Variants in PDE2A observed in about 807,000 individuals in gnomAD.
The protein encoded by PDE2A is phosphodiesterase 2A.
PDE2A carries 53 observed loss-of-function variants against 133.6 expected under a neutral mutation model. The ratio of observed to expected loss-of-function variants is 0.40; its 90% CI spans 0.32 to 0.50. PDE2A has a LOEUF of 0.50. Among genes scored for constraint, PDE2A ranks in the 20% least tolerant of loss-of-function variants. PDE2A has a pLI of 0.73. For synonymous variants in PDE2A, 491 were observed against 490.2 expected, an observed-to-expected ratio of 1.00 and a Z score of -0.02; for missense variants, 796 against 1,232.4, an observed-to-expected ratio of 0.65 and a Z score of 5.30.
chr11:72,599,093 G>A (rs1171674258), intron 4 of PDE2A: 34 of 945,042 alleles, frequency 3.6e-5, no homozygotes, highest in Admixed American at 1.8e-4. Context: ...CTGGTTAACC[G>A]GAGGCCACAA....
Position 72,646,437 on chromosome 11 carries a change from T to A in PDE2A, c.72-4111A>T, listed in dbSNP as rs553912606. 1.7e-4 allele frequency among the ~76,000 whole-genome samples: 26 copies of A among 152,236 alleles called. 1 individual carries two copies. The highest frequency in any genetic ancestry group is 6.0e-4 in the African/African-American group (25 of 41,458). The stretch of plus-strand genomic sequence containing the variant: ...AAAGTGAGGCTCAGAGAAATGTAGA[T>A]GCTTACCTGAGATGGCACAGCTGGT... On this transcript the variant is annotated intron_variant, in intron 1 of 30. Coordinates refer to ENST00000334456, the MANE Select transcript of PDE2A (RefSeq NM_002599.5).
In PDE2A at chr11:72,596,588, C is replaced by A; in HGVS notation, c.489+5G>T. 1 of 1,486,636 alleles carries A rather than the reference C, an allele frequency of 6.7e-7. No individual in the cohort carries two copies. Among genetic ancestry groups the A allele is most frequent in the Non-Finnish European group, 9.0e-7 (1 of 1,109,296 alleles). 92.1% of individuals were successfully genotyped at this position (1,486,636 alleles called of 1,614,324 possible). A position where few individuals can be genotyped will look rare whatever the true frequency, so the allele number is the denominator to read the frequency against. On this transcript the variant is annotated splice_donor_5th_base_variant and intron_variant, in intron 6 of 30. Coordinates refer to ENST00000334456, the MANE Select transcript of PDE2A (RefSeq NM_002599.5). ...CTACATCCCACCGCCTAGGCAGGCT[C>A]TTACCAAGATGACAGCTGCCACGGC...
At chr11:72,632,717 C>A (rs1239593073) in intron 2 of PDE2A, among the ~76,000 whole-genome samples, 2 of 152,128 alleles carry the variant, frequency 1.3e-5, no homozygotes, top group Non-Finnish European at 2.9e-5. Context: ...CCAGGGACAG[C>A]CCCCTCCCCT....
chr11:72,628,386 A>C (rs1469568118), intron 2 of PDE2A, among the ~76,000 whole-genome samples: 1 of 149,256 alleles, frequency 6.7e-6, no homozygotes, highest in East Asian at 2.0e-4. Flanking sequence ...GCTGAAGTGC[A>C]GTGGCGCGAT....
chr11:72,580,652 AC>A, intron 24 of PDE2A, 28 bp from the exon 25 acceptor site: 1 of 1,542,024 alleles, frequency 6.5e-7, no homozygotes, highest in Non-Finnish European at 8.8e-7. Context: ...AACTGTGGTC[AC>A]TCCTCACATC....
rs758250416 is a variant in PDE2A at position 72,590,388 on chromosome 11, C to A, written c.703+39G>T. 6.3e-7 allele frequency: 1 copy of A among 1,577,328 alleles called. No homozygotes were observed. Among genetic ancestry groups the A allele is most frequent in the East Asian group, 2.3e-5 (1 of 43,398 alleles). ...GCCCACCTCCCCTCCAAGTTCTGCC[C>A]GGCCCCGCCCTCGTGACCTGTCCAG... is the stretch of plus-strand genomic sequence containing the variant. On this transcript the variant is annotated intron_variant, in intron 8 of 30. Coordinates refer to ENST00000334456, the MANE Select transcript of PDE2A (RefSeq NM_002599.5). The surrounding 1 kb of genome is among the most constrained non-coding windows in gnomAD (Gnocchi z 4.8).
At chr11:72,600,410 C>A (rs960231370) in intron 4 of PDE2A, among the ~76,000 whole-genome samples, 1 of 152,128 alleles carries the variant, frequency 6.6e-6, no homozygotes, top group African/African-American at 2.4e-5. Flanking sequence ...TCTTAGGCAG[C>A]CTCGGCACCT....
At chr11:72,658,226 G>T (rs770826630) in intron 1 of PDE2A, 18 of 425,106 alleles carry the variant, frequency 4.2e-5, no homozygotes, top group Non-Finnish European at 6.6e-5. Context: ...TGAGGGTTCT[G>T]GTCTCCCCCA....
chr11:72,581,279 G>A, intron 23 of PDE2A, 78 bp downstream of exon 23: 1 of 1,453,950 alleles, frequency 6.9e-7, no homozygotes. Flanking sequence ...TAAAGTGCCT[G>A]ACACACAGGG....
intron 4 of PDE2A, chr11:72,598,719 T>C: frequency 7.8e-7 from 1 of 1,274,986 alleles, no homozygotes; most frequent in South Asian, 1.3e-5. Context: ...ACGAGATCAC[T>C]AGGTCAGAGA....
intron 4 of PDE2A, among the ~76,000 whole-genome samples, chr11:72,603,334 G>C (rs189086269): frequency 1.3e-5 from 2 of 152,258 alleles, no homozygotes; most frequent in East Asian, 3.9e-4. Context: ...AGTCTGAAGT[G>C]GTTGGAAGGA....
chr11:72,652,716 T>A (rs1271450533), intron 1 of PDE2A: 1 of 456,300 alleles, frequency 2.2e-6, no homozygotes, highest in Non-Finnish European at 4.4e-6. Flanking sequence ...AGGTCATTCG[T>A]CCAAAGTCAT....
At chr11:72,581,606 CT>C in intron 22 of PDE2A, 127 bp from the exon 23 acceptor site, 2 of 1,113,534 alleles carry the variant, frequency 1.8e-6, no homozygotes, top group African/African-American at 1.6e-5. Context: ...ATGACTCTGT[CT>C]TAGCAGGAAG....
intron 2 of PDE2A, chr11:72,631,086 G>A (rs1467416320): frequency 2.0e-5 from 31 of 1,548,124 alleles, no homozygotes; most frequent in Admixed American, 3.9e-5. Context: ...ACCTCCAGTC[G>A]GTCGTCTCTA....
intron 1 of PDE2A, among the ~76,000 whole-genome samples, chr11:72,649,633 C>CT (rs1455631817): frequency 1.3e-5 from 2 of 152,258 alleles, no homozygotes; most frequent in Admixed American, 6.5e-5. Context: ...ACTGCTTCCT[C>CT]TGCCCCATCT....
chr11:72,598,568 A>T (rs762630020), intron 4 of PDE2A: 4 of 1,289,082 alleles, frequency 3.1e-6, no homozygotes, highest in Non-Finnish European at 4.0e-6. Context: ...TTCATCCCTC[A>T]TGCTGCCTCC....
rs746831622 is a variant in PDE2A at position 72,586,042 on chromosome 11, C to T, written c.1182+28G>A. On this transcript the variant is annotated intron_variant, in intron 14 of 30. Coordinates refer to ENST00000334456, the MANE Select transcript of PDE2A (RefSeq NM_002599.5). ...GCTGAAAACTGAGCGAGTCGGTGCC[C>T]GAGAGAGGCTGAAGGCAGGTCACTC... 1.1e-5 allele frequency: 15 copies of T among 1,344,262 alleles called. No individual in the cohort carries two copies. The East Asian group carries it at 2.6e-4, about 23-fold the overall frequency. 83.3% of individuals were successfully genotyped at this position (1,344,262 alleles called of 1,614,324 possible).
intron 1 of PDE2A, among the ~76,000 whole-genome samples, chr11:72,666,260 A>G (rs1855230810): frequency 6.6e-6 from 1 of 152,158 alleles, no homozygotes; most frequent in African/African-American, 2.4e-5. Flanking sequence ...TGCAAGCCCT[A>G]TCATCTCATC....
At chr11:72,587,692 T>C (rs969226648) in intron 13 of PDE2A, 2 of 152,264 alleles carry the variant, frequency 1.3e-5, no homozygotes, top group South Asian at 2.1e-4. Context: ...GTTTGCTGAA[T>C]GGCATAAATT....
Sources: allele counts gnomAD v4.1 joint callset (sites outside exome capture counted in the v4.1 genomes callset), GRCh38; gene constraint gnomAD v4.1.1; non-coding constraint Gnocchi (gnomAD v3.1); transcripts MANE v1.5; gene names NCBI Gene and HGNC (gene_info 2026-07-23, HGNC 2026-07-21).